GABRB3: variants seen among roughly 807,000 people sequenced by gnomAD.
GABRB3 encodes gamma-aminobutyric acid type A receptor subunit beta3, also known as gamma-aminobutyric acid receptor subunit beta-3.
In GABRB3, 14 loss-of-function variants were observed where a neutral mutation model predicts 52.1. The ratio of observed to expected loss-of-function variants is 0.27; its 90% CI spans 0.18 to 0.42. The LOEUF (loss-of-function observed/expected upper bound fraction) is 0.42. GABRB3 is among the 10% of genes least tolerant of loss of function. The pLI is 1.00. For missense variants in GABRB3, 307 were observed against 609.1 expected, an observed-to-expected ratio of 0.50 and a Z score of 5.22; for synonymous variants, 260 against 232.3, an observed-to-expected ratio of 1.12 and a Z score of -1.08.
At chr15:26,654,604 T>A (rs1015382055) in intron 3 of GABRB3, among the ~76,000 whole-genome samples, 5 of 151,964 alleles carry the variant, frequency 3.3e-5, no homozygotes, top group Non-Finnish European at 5.9e-5. Flanking sequence ...GAAATAAATT[T>A]AAAAAAATTA....
rs77130413 is a variant in GABRB3, at chr15:26,603,063, A to G, written c.461+18251T>C. 2.8e-4 allele frequency among the ~76,000 whole-genome samples: 42 copies of G among 152,214 alleles called. No individual in the cohort carries two copies. In the East Asian group the frequency reaches 5.4e-3, roughly 20 times the overall value. ...AGGGAAGATGAAAATAAATAAAATC[A>G]GAGATGAAAAAGGAGACATTACAAC... On this transcript the variant is annotated intron_variant, in intron 4 of 8. Coordinates refer to ENST00000311550, the MANE Select transcript of GABRB3 (RefSeq NM_000814.6).
chr15:26,705,013 C>T (rs1043473672), intron 3 of GABRB3, among the ~76,000 whole-genome samples: 1 of 152,194 alleles, frequency 6.6e-6, no homozygotes, highest in Admixed American at 6.5e-5. Context: ...CCCACTTCTA[C>T]GTTTTTTGGT....
At chr15:26,554,190 A>AAAGAGTGT (rs1567097853) in intron 8 of GABRB3, among the ~76,000 whole-genome samples, 6 of 31,530 alleles carry the variant, frequency 1.9e-4, no homozygotes, top group African/African-American at 5.1e-4. Context: ...ATATATATAT[A>AAAGAGTGT]CTATATATAT....
intron 3 of GABRB3, among the ~76,000 whole-genome samples, chr15:26,680,075 A>G (rs548507538): frequency 6.6e-6 from 1 of 152,306 alleles, no homozygotes; most frequent in South Asian, 2.1e-4. Context: ...TTAAATCAAT[A>G]GATTTTGAGT....
At chr15:26,725,045 G>C (rs866375311) in intron 3 of GABRB3, among the ~76,000 whole-genome samples, 3 of 152,158 alleles carry the variant, frequency 2.0e-5, no homozygotes, top group South Asian at 2.1e-4. Flanking sequence ...AATTGGTATA[G>C]TGTCACTTTC....
intron 3 of GABRB3, among the ~76,000 whole-genome samples, chr15:26,623,132 G>A (rs1317290659): frequency 6.6e-6 from 1 of 152,180 alleles, no homozygotes; most frequent in Non-Finnish European, 1.5e-5. Flanking sequence ...TAGGTAGACA[G>A]CAGGTACAGC....
chr15:26,772,800 GC>G, intron 1 of GABRB3, 28 bp from the exon 2 acceptor site: 1 of 1,527,342 alleles, frequency 6.5e-7, no homozygotes, highest in South Asian at 1.2e-5. Flanking sequence ...AGCACAAAGA[GC>G]GGGGTCAGGG....
chr15:26,729,376 C>A (rs1435574092), intron 3 of GABRB3, among the ~76,000 whole-genome samples: 2 of 152,086 alleles, frequency 1.3e-5, no homozygotes, highest in Non-Finnish European at 2.9e-5. Context: ...CTTGGAGGCT[C>A]CTGAACCCAA....
At chr15:26,556,262 A>G (rs1889747528) in intron 8 of GABRB3, among the ~76,000 whole-genome samples, 1 of 152,220 alleles carries the variant, frequency 6.6e-6, no homozygotes, top group Non-Finnish European at 1.5e-5. Flanking sequence ...TATAGCACAG[A>G]GAGATTTTTT....
At chr15:26,749,605 G>A (rs1400601284) in intron 3 of GABRB3, among the ~76,000 whole-genome samples, 1 of 152,230 alleles carries the variant, frequency 6.6e-6, no homozygotes, top group African/African-American at 2.4e-5. Context: ...TCAGTGGTGG[G>A]TGAAAGATTA....
chr15:26,691,379 G>A (rs979243188), intron 3 of GABRB3, among the ~76,000 whole-genome samples: 5 of 152,186 alleles, frequency 3.3e-5, no homozygotes, highest in Non-Finnish European at 7.3e-5. Flanking sequence ...AAAGTAAAAA[G>A]GATTAGGGGA....
At position 26,721,652 on chromosome 15, in the gene GABRB3, A is replaced by C. The variant is rs138531325; in HGVS notation, c.240+50750T>G. On this transcript the variant is annotated intron_variant, in intron 3 of 8. Coordinates refer to ENST00000311550, the MANE Select transcript of GABRB3 (RefSeq NM_000814.6). ...AGCTCCGTCTCAACTAAGAACTGTA[A>C]AGGGTAGAGGGGAAATTATTTGTCC... Among the ~76,000 whole-genome samples the C allele has an allele frequency of 6.4e-3, 975 of 151,858 alleles. 6 individuals carry two copies. Among genetic ancestry groups the C allele is most frequent in the Non-Finnish European group, 0.01 (687 of 67,974 alleles).
chr15:26,566,626 AGAGTT>A (rs1890187245), intron 7 of GABRB3, among the ~76,000 whole-genome samples: 1 of 152,050 alleles, frequency 6.6e-6, no homozygotes. Context: ...TCCAGGAGGT[AGAGTT>A]GAGAGGATCA....
intron 6 of GABRB3, among the ~76,000 whole-genome samples, chr15:26,572,119 C>A (rs557952498): frequency 6.6e-6 from 1 of 152,038 alleles, no homozygotes; most frequent in African/African-American, 2.4e-5. Flanking sequence ...GGCGCATGCC[C>A]CACACATCCT....
At chr15:26,740,196 GA>G (rs958879506) in intron 3 of GABRB3, among the ~76,000 whole-genome samples, 4 of 152,110 alleles carry the variant, frequency 2.6e-5, no homozygotes, top group African/African-American at 9.7e-5. Context: ...GCAGGTAGGG[GA>G]GCTAGGCTGG....
chr15:26,624,198 T>G, intron 3 of GABRB3: 4 of 985,528 alleles, frequency 4.1e-6, no homozygotes, highest in Non-Finnish European at 4.8e-6. Flanking sequence ...CGCCCCTTCA[T>G]CACCATTACC....
chr15:26,685,033 TAA>T (rs1260019405), intron 3 of GABRB3, among the ~76,000 whole-genome samples: 5 of 152,136 alleles, frequency 3.3e-5, no homozygotes, highest in African/African-American at 4.8e-5. Flanking sequence ...CAAAGTGTGA[TAA>T]AGTTAGATGT....
At chr15:26,675,277 G>C (rs1379737397) in intron 3 of GABRB3, among the ~76,000 whole-genome samples, 3 of 152,208 alleles carry the variant, frequency 2.0e-5, no homozygotes, top group African/African-American at 7.2e-5. Flanking sequence ...TCAGTGCCCT[G>C]TTCTACTGAA....
intron 3 of GABRB3, among the ~76,000 whole-genome samples, chr15:26,679,343 T>C (rs756030098): frequency 2.6e-5 from 4 of 152,064 alleles, no homozygotes; most frequent in African/African-American, 9.7e-5. Flanking sequence ...TTCTAAAATA[T>C]CCTCCTTGAA....
Sources: allele counts gnomAD v4.1 joint callset (sites outside exome capture counted in the v4.1 genomes callset), GRCh38; gene constraint gnomAD v4.1.1; transcripts MANE v1.5; gene names NCBI Gene and HGNC (gene_info 2026-07-23, HGNC 2026-07-21).